MSRA: variants seen among roughly 807,000 people sequenced by gnomAD.
MSRA encodes the protein mitochondrial peptide methionine sulfoxide reductase.
Under a neutral mutation model 31.3 loss-of-function variants are expected in MSRA, and 54 were observed. That is an observed-to-expected ratio of 1.73 (90% CI 1.39 to 2.17). The LOEUF is 2.17. MSRA is among the 30% of genes most tolerant of loss of function. The probability of loss-of-function intolerance (pLI) is 0.00; values close to 1 mark genes in which losing one functional copy is unlikely to be tolerated. For missense variants in MSRA, 507 were observed against 300.9 expected (o/e 1.69, Z -5.07); for synonymous variants, 169 against 116.5 (o/e 1.45, Z -2.90).
Position 10,251,861 on chromosome 8 carries a change from TG to T in MSRA, c.331+6650del, listed in dbSNP as rs386412047. On this transcript the variant is annotated intron_variant, in intron 3 of 5. Coordinates refer to ENST00000317173, the MANE Select transcript of MSRA (RefSeq NM_012331.5). ...GCACCCCTCTGAAGGGTTGACATGG[TG>T]GGGGGGGGGGGACATAGGTCATGGG... 4.7e-3 allele frequency among the ~76,000 whole-genome samples: 658 copies of T among 140,012 alleles called. 8 individuals carry two copies. The highest frequency in any genetic ancestry group is 0.045 in the East Asian group (217 of 4,844). The allele number at this position is 140,012 out of a possible 152,430, so 91.9% of individuals were successfully genotyped here. A position where few individuals can be genotyped will look rare whatever the true frequency, so the allele number is the denominator to read the frequency against.
Position 10,207,815 on chromosome 8 carries a change from C to CTTTTTT in MSRA, c.143-10_143-5dup. The CTTTTTT allele has an allele frequency of 7.7e-7, 1 of 1,301,680 alleles. No individual in the cohort carries two copies. The highest frequency in any genetic ancestry group is 1.1e-6 in the Non-Finnish European group (1 of 945,182). The allele number at this position is 1,301,680 out of a possible 1,614,324, so 80.6% of individuals were successfully genotyped here. On this transcript the variant is annotated splice_polypyrimidine_tract_variant and intron_variant, in intron 1 of 5. Transcript: ENST00000317173. ...GAACTTTACACTTAAACTTGCATTT[C>CTTTTTT]TTTTTTTTTTTTTCTAGCCAAACAT...
intron 1 of MSRA, among the ~76,000 whole-genome samples, chr8:10,179,933 C>T (rs548171896): frequency 1.3e-5 from 2 of 152,148 alleles, no homozygotes; most frequent in African/African-American, 4.8e-5. Context: ...TCTACACTCA[C>T]AAAACATTTC....
At position 10,248,899 on chromosome 8, in the gene MSRA, A is replaced by G. The variant is rs117376392; in HGVS notation, c.331+3676A>G. On this transcript the variant is annotated intron_variant, in intron 3 of 5. Coordinates refer to ENST00000317173, the MANE Select transcript of MSRA (RefSeq NM_012331.5). ...CCATTGAGAGTGGCAGTATAAAATC[A>G]GCCTGCTCTGAATCACAGTGGAGAT... Among the ~76,000 whole-genome samples the G allele has an allele frequency of 9.2e-3, 1,399 of 152,360 alleles. 12 individuals are homozygous for G. Among genetic ancestry groups the G allele is most frequent in the South Asian group, 0.047 (226 of 4,826 alleles).
chr8:10,398,336 A>G (rs1316914195), intron 5 of MSRA, among the ~76,000 whole-genome samples: 1 of 152,102 alleles, frequency 6.6e-6, no homozygotes, highest in Non-Finnish European at 1.5e-5. Flanking sequence ...AATTCCACCC[A>G]CTGGTCCTAG....
At chr8:10,160,401 C>T (rs117802600) in intron 1 of MSRA, among the ~76,000 whole-genome samples, 4,720 of 151,718 alleles carry the variant, frequency 0.031, 107 homozygotes, top group Non-Finnish European at 0.046. Context: ...AGGCTAAGGC[C>T]GGAGAATCGT....
intron 1 of MSRA, among the ~76,000 whole-genome samples, chr8:10,144,902 C>G (rs771263143): frequency 6.6e-6 from 1 of 152,064 alleles, no homozygotes; most frequent in African/African-American, 2.4e-5. Flanking sequence ...ATGATTATTG[C>G]CATTTTTTTG....
chr8:10,244,096 G>A (rs1797480214), intron 2 of MSRA, among the ~76,000 whole-genome samples: 1 of 152,096 alleles, frequency 6.6e-6, no homozygotes, highest in South Asian at 2.1e-4. Context: ...CTGGTAAATC[G>A]AGTGAGTGTA....
chr8:10,123,954 G>A (rs543585462), intron 1 of MSRA, among the ~76,000 whole-genome samples: 3 of 151,498 alleles, frequency 2.0e-5, no homozygotes, highest in Non-Finnish European at 4.4e-5. Flanking sequence ...AGCCTCAAGT[G>A]GAAGTCTCGA....
At chr8:10,131,996 T>G (rs1801930895) in intron 1 of MSRA, among the ~76,000 whole-genome samples, 1 of 152,176 alleles carries the variant, frequency 6.6e-6, no homozygotes, top group South Asian at 2.1e-4. Flanking sequence ...TTTTTTAAAT[T>G]GAGTTTTTGG....
At chr8:10,403,606 C>G (rs1415192678) in intron 5 of MSRA, among the ~76,000 whole-genome samples, 1 of 152,222 alleles carries the variant, frequency 6.6e-6, no homozygotes, top group African/African-American at 2.4e-5. Context: ...AAGCATTCCC[C>G]AACAGTCTCC....
intron 1 of MSRA, among the ~76,000 whole-genome samples, chr8:10,135,004 A>T (rs952678179): frequency 6.6e-6 from 1 of 152,268 alleles, no homozygotes; most frequent in Admixed American, 6.5e-5. Flanking sequence ...TCTCAATCAC[A>T]TTAACATTTT....
At chr8:10,122,863 A>T (rs1036305664) in intron 1 of MSRA, among the ~76,000 whole-genome samples, 1 of 152,138 alleles carries the variant, frequency 6.6e-6, no homozygotes, top group Non-Finnish European at 1.5e-5. Context: ...GAAAGACATG[A>T]TGTCGTTCTT....
At chr8:10,257,468 G>T (rs1438513122) in intron 3 of MSRA, among the ~76,000 whole-genome samples, 1 of 152,108 alleles carries the variant, frequency 6.6e-6, no homozygotes, top group African/African-American at 2.4e-5. Context: ...GTGCAATGGC[G>T]TGACCTCGGC....
At chr8:10,104,039 A>G (rs1303994278) in intron 1 of MSRA, among the ~76,000 whole-genome samples, 4 of 152,162 alleles carry the variant, frequency 2.6e-5, no homozygotes, top group Admixed American at 6.5e-5. Flanking sequence ...GAAATTAGAT[A>G]TTTCTGAGCG....
chr8:10,272,672 G>T (rs947417582), intron 3 of MSRA, among the ~76,000 whole-genome samples: 1 of 151,972 alleles, frequency 6.6e-6, no homozygotes, highest in African/African-American at 2.4e-5. Flanking sequence ...TCTTACTCGC[G>T]CTTTAAGACT....
chr8:10,264,695 C>T (rs1465217981), intron 3 of MSRA, among the ~76,000 whole-genome samples: 3 of 152,178 alleles, frequency 2.0e-5, no homozygotes, highest in African/African-American at 7.2e-5. Flanking sequence ...CCTTCTGGTG[C>T]ACGTGGTCAT....
At chr8:10,318,839 C>T (rs183600824) in intron 4 of MSRA, among the ~76,000 whole-genome samples, 104 of 152,252 alleles carry the variant, frequency 6.8e-4, no homozygotes, top group Middle Eastern at 3.4e-3. Flanking sequence ...TCTTGAGAAG[C>T]GGGCATCAGG....
chr8:10,269,593 T>A (rs932985648), intron 3 of MSRA, among the ~76,000 whole-genome samples: 1 of 152,210 alleles, frequency 6.6e-6, no homozygotes, highest in African/African-American at 2.4e-5. Context: ...AATTTGGACA[T>A]CAGCTTTGCT....
chr8:10,168,931 G>C (rs1459092882), intron 1 of MSRA, among the ~76,000 whole-genome samples: 1 of 152,146 alleles, frequency 6.6e-6, no homozygotes, highest in Non-Finnish European at 1.5e-5. Flanking sequence ...GGCATGTGTA[G>C]ATACTCATGA....
Sources: gnomAD v4.1 joint callset for allele counts (sites outside exome capture counted in the v4.1 genomes callset) on GRCh38, gnomAD v4.1.1 for gene constraint, MANE v1.5 for transcripts, NCBI Gene and HGNC (gene_info 2026-07-23, HGNC 2026-07-21) for gene names.